MAN1C1: variants seen among roughly 807,000 people sequenced by gnomAD.
MAN1C1 encodes the protein mannosyl-oligosaccharide 1,2-alpha-mannosidase IC.
Under a neutral mutation model 71.5 loss-of-function variants are expected in MAN1C1, and 49 were observed. The observed-to-expected ratio is 0.69, with a 90% CI of 0.54 to 0.87. The LOEUF is 0.87. Ranked by LOEUF, MAN1C1 falls within the 40% of genes least tolerant of loss-of-function variation. The probability of loss-of-function intolerance (pLI) is 0.00; values close to 1 mark genes in which losing one functional copy is unlikely to be tolerated. For synonymous variants in MAN1C1, 352 were observed against 343.7 expected, an observed-to-expected ratio of 1.02 and a Z score of -0.27; for missense variants, 743 against 835.0, an observed-to-expected ratio of 0.89 and a Z score of 1.36.
At chr1:25,766,036 C>T (rs1315525121) in intron 7 of MAN1C1, among the ~76,000 whole-genome samples, 2 of 152,116 alleles carry the variant, frequency 1.3e-5, no homozygotes, top group Non-Finnish European at 2.9e-5. Context: ...CTGAGCTGCT[C>T]CAGGGCAAGG....
chr1:25,748,182 G>A (rs1436347056), intron 3 of MAN1C1, among the ~76,000 whole-genome samples: 1 of 152,176 alleles, frequency 6.6e-6, no homozygotes, highest in South Asian at 2.1e-4. Flanking sequence ...AGGTGGGGCA[G>A]GTGAGGAAAT....
At chr1:25,670,405 G>C (rs1204795568) in intron 1 of MAN1C1, among the ~76,000 whole-genome samples, 2 of 152,242 alleles carry the variant, frequency 1.3e-5, no homozygotes, top group Non-Finnish European at 2.9e-5. Context: ...TAAAAGAACT[G>C]GTTCCGCCTC....
At position 25,617,127 on chromosome 1, in the gene MAN1C1, T is replaced by C. The variant is rs866590386; in HGVS notation, c.-671T>C. On this transcript the variant is annotated 5_prime_UTR_variant, in exon 1 of 12. Coordinates refer to ENST00000374332, the MANE Select transcript of MAN1C1 (RefSeq NM_020379.4). This position sits in a 1 kb window ranked among gnomAD's most constrained non-coding sequence, Gnocchi z 5.1. The stretch of plus-strand genomic sequence containing the variant: ...GGGGAAGCCCCCTGCCCCCGCAGGC[T>C]CGGAAGTGCCTGCTCCTGCTCCCTG... Among the ~76,000 whole-genome samples, 3 of 151,520 alleles carry C rather than the reference T, an allele frequency of 2.0e-5. No individual in the cohort carries two copies. The highest frequency in any genetic ancestry group is 7.3e-5 in the African/African-American group (3 of 41,324).
chr1:25,620,867 A>G (rs1237029751), intron 1 of MAN1C1, among the ~76,000 whole-genome samples: 1 of 152,204 alleles, frequency 6.6e-6, no homozygotes, highest in Non-Finnish European at 1.5e-5. Flanking sequence ...CTGTGTTGTT[A>G]AGATGGTTGA....
At chr1:25,643,491 G>A (rs2045566732) in intron 1 of MAN1C1, among the ~76,000 whole-genome samples, 1 of 138,036 alleles carries the variant, frequency 7.2e-6, no homozygotes, top group Non-Finnish European at 1.5e-5. Flanking sequence ...GGCTGGTCAC[G>A]AACTCCTGAT....
chr1:25,623,052 C>A (rs1157230675), intron 1 of MAN1C1, among the ~76,000 whole-genome samples: 1 of 152,178 alleles, frequency 6.6e-6, no homozygotes, highest in African/African-American at 2.4e-5. Flanking sequence ...ATTCAAGATC[C>A]TTTCCCTTCT....
chr1:25,702,892 CA>C (rs2046465626), intron 2 of MAN1C1, among the ~76,000 whole-genome samples: 1 of 152,166 alleles, frequency 6.6e-6, no homozygotes, highest in Admixed American at 6.5e-5. Context: ...TAGCGTTGGA[CA>C]AATCACTTTC....
chr1:25,645,683 C>G (rs532297306), intron 1 of MAN1C1: 1 of 152,338 alleles, frequency 6.6e-6, no homozygotes, highest in Non-Finnish European at 1.5e-5. Flanking sequence ...CAAGCCCCGA[C>G]CATTGAAGGG....
At chr1:25,632,053 C>T (rs2045389245) in intron 1 of MAN1C1, among the ~76,000 whole-genome samples, 1 of 152,228 alleles carries the variant, frequency 6.6e-6, no homozygotes, top group Admixed American at 6.5e-5. Context: ...GTTGGGATTA[C>T]AGATGCGGGC....
In MAN1C1 at chr1:25,655,107, C is replaced by A. The variant is rs375772637; in HGVS notation, c.541-31333C>A. Reference sequence around the variant, plus strand: ...TTTAAAACAAAAGCAAAGCTGACACCATATCTCCAATTGAGAGCTTCAGCC... The same window carrying A: ...TTTAAAACAAAAGCAAAGCTGACACAATATCTCCAATTGAGAGCTTCAGCC... On this transcript the variant is annotated intron_variant, in intron 1 of 11. Coordinates refer to ENST00000374332, the MANE Select transcript of MAN1C1 (RefSeq NM_020379.4). Among the ~76,000 whole-genome samples the A allele has an allele frequency of 1.4e-4, 22 of 152,254 alleles. No homozygotes were observed. In the South Asian group the frequency reaches 4.6e-3, roughly 32 times the overall value.
chr1:25,682,353 A>G (rs937953710), intron 1 of MAN1C1, among the ~76,000 whole-genome samples: 2 of 152,246 alleles, frequency 1.3e-5, no homozygotes, highest in African/African-American at 2.4e-5. Flanking sequence ...AATGATAGGC[A>G]GAGTCCAAAG....
At chr1:25,767,836 CTACACACACATTACATACACTCCCCCCA>C in intron 7 of MAN1C1, among the ~76,000 whole-genome samples, 1 of 119,612 alleles carries the variant, frequency 8.4e-6, no homozygotes. Context: ...CTCACACACA[CTACACACACATTACATACACTCCCCCCA>C]CACACTCCCC....
At chr1:25,697,288 G>A (rs977191460) in intron 2 of MAN1C1, among the ~76,000 whole-genome samples, 1 of 152,162 alleles carries the variant, frequency 6.6e-6, no homozygotes, top group Non-Finnish European at 1.5e-5. Flanking sequence ...CTATCATACT[G>A]TATCTGGTCT....
chr1:25,749,349 T>C lies in MAN1C1; in HGVS notation c.834+14T>C. 9 of 1,599,188 alleles carry C rather than the reference T, an allele frequency of 5.6e-6. No individual in the cohort carries two copies. The highest frequency in any genetic ancestry group is 7.7e-6 in the Non-Finnish European group (9 of 1,168,832). On this transcript the variant is annotated intron_variant, in intron 4 of 11. Transcript: ENST00000374332. ...ACAGGAGAAGAGGTGGGTTGGCCTT[T>C]CATGACCCCTGAACTGTCCAGGCTG...
intron 6 of MAN1C1, among the ~76,000 whole-genome samples, chr1:25,762,896 C>T (rs1245295952): frequency 4.6e-5 from 7 of 152,274 alleles, no homozygotes; most frequent in African/African-American, 1.7e-4. Flanking sequence ...CTGGATTTGA[C>T]CATTTTTGAC....
chr1:25,767,912 C>CAT (rs2047467483), intron 7 of MAN1C1, among the ~76,000 whole-genome samples: 1 of 72,954 alleles, frequency 1.4e-5, no homozygotes, highest in African/African-American at 9.8e-5. Context: ...ACACACATTA[C>CAT]ACACTCCCCC....
chr1:25,705,035 C>G (rs1294690689), intron 2 of MAN1C1, among the ~76,000 whole-genome samples: 1 of 152,172 alleles, frequency 6.6e-6, no homozygotes, highest in Non-Finnish European at 1.5e-5. Context: ...TGAACAAATC[C>G]CTTTATTTAT....
chr1:25,762,865 A>G (rs1324620760), intron 6 of MAN1C1, among the ~76,000 whole-genome samples: 2 of 152,250 alleles, frequency 1.3e-5, no homozygotes, highest in African/African-American at 4.8e-5. Flanking sequence ...TCCTTTGTAT[A>G]TATACCCAAT....
chr1:25,709,716 CTCTATCTA>C (rs544843466), intron 2 of MAN1C1: 6 of 151,948 alleles, frequency 3.9e-5, no homozygotes, highest in African/African-American at 7.3e-5. Context: ...CAGAAGGAAA[CTCTATCTA>C]TCTATCTATC....
Sources: gnomAD v4.1 joint callset for allele counts (sites outside exome capture counted in the v4.1 genomes callset) on GRCh38, gnomAD v4.1.1 for gene constraint, Gnocchi (gnomAD v3.1) non-coding constraint, MANE v1.5 for transcripts, NCBI Gene and HGNC (gene_info 2026-07-23, HGNC 2026-07-21) for gene names.